The following SH3GL3 variants were observed in gnomAD, a reference collection of about 807,000 sequenced individuals.
SH3GL3 encodes SH3 domain containing GRB2 like 3, endophilin A3.
Under a neutral mutation model 47.7 loss-of-function variants are expected in SH3GL3, and 33 were observed. The observed-to-expected ratio is 0.69, with a 90% CI of 0.52 to 0.92. The LOEUF is 0.92. SH3GL3 is among the 40% of genes least tolerant of loss of function. The pLI, the probability that SH3GL3 is intolerant of heterozygous loss-of-function variation, is 0.00. For missense variants in SH3GL3, 363 were observed against 417.8 expected, an observed-to-expected ratio of 0.87 and a Z score of 1.14; for synonymous variants, 155 against 148.8, an observed-to-expected ratio of 1.04 and a Z score of -0.30.
At chr15:83,465,906 AT>A (rs1308205202) in intron 1 of SH3GL3, among the ~76,000 whole-genome samples, 2 of 152,148 alleles carry the variant, frequency 1.3e-5, no homozygotes, top group Admixed American at 1.3e-4. Context: ...TCCCCCAGTG[AT>A]AACACTATGA....
At chr15:83,496,507 T>C (rs2042086911) in intron 1 of SH3GL3, among the ~76,000 whole-genome samples, 2 of 152,202 alleles carry the variant, frequency 1.3e-5, no homozygotes, top group South Asian at 4.1e-4. Context: ...TGGATATATA[T>C]AGCCCTACAT....
At chr15:83,606,371 A>G (rs1340117893) in intron 8 of SH3GL3, among the ~76,000 whole-genome samples, 1 of 152,250 alleles carries the variant, frequency 6.6e-6, no homozygotes, top group African/African-American at 2.4e-5. Context: ...ATTACATTAG[A>G]AAATAAACAT....
chr15:83,575,908 T>C (rs2059664116), intron 5 of SH3GL3, among the ~76,000 whole-genome samples: 1 of 152,136 alleles, frequency 6.6e-6, no homozygotes, highest in Non-Finnish European at 1.5e-5. Context: ...GTCTCTCTGC[T>C]TGGACACAAA....
intron 1 of SH3GL3, among the ~76,000 whole-genome samples, chr15:83,500,600 G>A (rs891535198): frequency 6.6e-6 from 1 of 152,268 alleles, no homozygotes; most frequent in African/African-American, 2.4e-5. Context: ...GTGAAACCCG[G>A]AAGTGTTGGG....
intron 1 of SH3GL3, among the ~76,000 whole-genome samples, chr15:83,508,947 C>T (rs1015254778): frequency 7.9e-5 from 12 of 151,948 alleles, no homozygotes; most frequent in African/African-American, 2.2e-4. Context: ...TTAGAGGGGC[C>T]GGGGTAGAAG....
intron 1 of SH3GL3, among the ~76,000 whole-genome samples, chr15:83,467,094 T>C (rs2040602838): frequency 6.6e-6 from 1 of 152,256 alleles, no homozygotes; most frequent in Non-Finnish European, 1.5e-5. Flanking sequence ...ATCATACTTT[T>C]GGAGTCTAAG....
At chr15:83,605,117 C>G (rs2060481229) in intron 8 of SH3GL3, among the ~76,000 whole-genome samples, 1 of 152,228 alleles carries the variant, frequency 6.6e-6, no homozygotes, top group Non-Finnish European at 1.5e-5. Flanking sequence ...ACAGAGATCA[C>G]AGACGTGCAG....
intron 8 of SH3GL3, among the ~76,000 whole-genome samples, chr15:83,593,737 C>G (rs896209108): frequency 2.6e-5 from 4 of 152,050 alleles, no homozygotes; most frequent in African/African-American, 9.7e-5. Context: ...GAGTGGACAT[C>G]CTTGCTTTGT....
intron 8 of SH3GL3, among the ~76,000 whole-genome samples, chr15:83,595,909 T>G (rs2060225969): frequency 6.6e-6 from 1 of 152,184 alleles, no homozygotes; most frequent in African/African-American, 2.4e-5. Context: ...TAGCTATAGA[T>G]TTATCAATTT....
At chr15:83,582,629 C>A (rs2059859833) in intron 6 of SH3GL3, among the ~76,000 whole-genome samples, 1 of 152,158 alleles carries the variant, frequency 6.6e-6, no homozygotes, top group Non-Finnish European at 1.5e-5. Context: ...CCGCAGAATT[C>A]CGTCACATTA....
At chr15:83,490,946 C>G (rs527970458) in intron 1 of SH3GL3, 25 of 1,612,872 alleles carry the variant, frequency 1.6e-5, no homozygotes, top group African/African-American at 5.3e-5. Flanking sequence ...TGGGGAAGAA[C>G]AGTAAACTTG....
chr15:83,632,794 T>A, the SH3GL3 span, among the ~76,000 whole-genome samples: 1 of 152,238 alleles, frequency 6.6e-6, no homozygotes, highest in South Asian at 2.1e-4. Flanking sequence ...AGATGAGATT[T>A]GTGTGGGGAC....
At chr15:83,555,070 T>C (rs1292824750) in intron 1 of SH3GL3, among the ~76,000 whole-genome samples, 1 of 152,206 alleles carries the variant, frequency 6.6e-6, no homozygotes, top group Non-Finnish European at 1.5e-5. Context: ...ACTCTTCATC[T>C]CTGTTTATTT....
intron 1 of SH3GL3, among the ~76,000 whole-genome samples, chr15:83,482,018 A>G (rs1187456201): frequency 6.6e-6 from 1 of 152,208 alleles, no homozygotes; most frequent in Non-Finnish European, 1.5e-5. Flanking sequence ...TCTCAGCAAT[A>G]GTGTTCTGTC....
At chr15:83,626,303 G>T in the SH3GL3 span, among the ~76,000 whole-genome samples, 1 of 152,160 alleles carries the variant, frequency 6.6e-6, no homozygotes, top group Non-Finnish European at 1.5e-5. Flanking sequence ...GGTTTAGAAA[G>T]AGCATCACAT....
intron 1 of SH3GL3, among the ~76,000 whole-genome samples, chr15:83,552,238 G>A (rs1030815993): frequency 6.6e-6 from 1 of 152,082 alleles, no homozygotes; most frequent in Non-Finnish European, 1.5e-5. Flanking sequence ...TGAATGACGT[G>A]GTGTCAGTTT....
intron 1 of SH3GL3, among the ~76,000 whole-genome samples, chr15:83,471,090 T>G (rs2040811761): frequency 6.6e-6 from 1 of 152,338 alleles, no homozygotes; most frequent in Middle Eastern, 3.4e-3. Flanking sequence ...TCATGTACTT[T>G]TTTCTTTTCT....
chr15:83,541,312 A>ATTTTTTTTTTTTTTTTTTTTTTTT (rs71156085), intron 1 of SH3GL3, among the ~76,000 whole-genome samples: 1 of 47,340 alleles, frequency 2.1e-5, no homozygotes, highest in African/African-American at 7.0e-5. Context: ...TGGTAATTCT[A>ATTTTTTTTTTTTTTTTTTTTTTTT]TTTTTTTTTT....
At chr15:83,548,147 C>T (rs1360836241) in intron 1 of SH3GL3, among the ~76,000 whole-genome samples, 1 of 151,664 alleles carries the variant, frequency 6.6e-6, no homozygotes, top group Non-Finnish European at 1.5e-5. Context: ...TCACTTAACT[C>T]CCTTAGTGGT....
Sources: gnomAD v4.1 joint callset for allele counts (sites outside exome capture counted in the v4.1 genomes callset) on GRCh38, gnomAD v4.1.1 for gene constraint, MANE v1.5 for transcripts, NCBI Gene and HGNC (gene_info 2026-07-23, HGNC 2026-07-21) for gene names.